The following PAPOLA variants were observed in gnomAD, a reference collection of about 807,000 sequenced individuals.
PAPOLA encodes polynucleotide adenylyltransferase alpha.
Under a neutral mutation model 100.6 loss-of-function variants are expected in PAPOLA, and 15 were observed. The ratio of observed to expected loss-of-function variants is 0.15; its 90% CI spans 0.10 to 0.23. The LOEUF is 0.23. PAPOLA is among the 10% of genes least tolerant of loss of function. The pLI, the probability that PAPOLA is intolerant of heterozygous loss-of-function variation, is 1.00. For synonymous variants in PAPOLA, 293 were observed against 300.0 expected (o/e 0.98, Z 0.24); for missense variants, 533 against 884.2 (o/e 0.60, Z 5.04).
intron 19 of PAPOLA, among the ~76,000 whole-genome samples, chr14:96,556,722 A>G (rs11625259): frequency 0.051 from 7,828 of 152,220 alleles, 386 homozygotes; most frequent in African/African-American, 0.13. Context: ...ATTATTCTCT[A>G]ATGACTACCT....
intron 20 of PAPOLA, among the ~76,000 whole-genome samples, chr14:96,561,983 C>T (rs900066185): frequency 3.9e-5 from 6 of 151,924 alleles, no homozygotes; most frequent in African/African-American, 9.7e-5. Flanking sequence ...CAACCTCTGC[C>T]TCCTAGGTTC....
At chr14:96,562,642 A>G in intron 20 of PAPOLA, 177 bp from the exon 21 acceptor site, 1 of 443,362 alleles carries the variant, frequency 2.3e-6, no homozygotes, top group Non-Finnish European at 4.1e-6. Context: ...TAATATCTGA[A>G]ATGGTGAAAT....
intron 10 of PAPOLA, chr14:96,535,525 A>G (rs1241753862): frequency 2.0e-6 from 2 of 992,882 alleles, no homozygotes; most frequent in East Asian, 1.1e-4. Context: ...ACATTGTAGC[A>G]TGACATGTCT....
intron 4 of PAPOLA, 69 bp from the exon 5 acceptor site, chr14:96,527,361 A>G: frequency 1.1e-6 from 1 of 913,182 alleles, no homozygotes; most frequent in Admixed American, 1.9e-5. Context: ...ATCAAATACT[A>G]CCATGATAGG....
intron 6 of PAPOLA, among the ~76,000 whole-genome samples, chr14:96,530,510 C>T (rs1012339510): frequency 6.6e-6 from 1 of 151,952 alleles, no homozygotes; most frequent in South Asian, 2.1e-4. Context: ...CCTCAGCCCC[C>T]CCAAGTAGGT....
chr14:96,508,195 T>C (rs954261447), intron 1 of PAPOLA, among the ~76,000 whole-genome samples: 1 of 152,160 alleles, frequency 6.6e-6, no homozygotes, highest in African/African-American at 2.4e-5. Context: ...GAACACTGTC[T>C]GGTGGTTTTC....
At chr14:96,534,226 TTAAA>T in intron 9 of PAPOLA, 1 of 1,264,214 alleles carries the variant, frequency 7.9e-7, no homozygotes, top group Non-Finnish European at 1.0e-6. Context: ...ACTTCTTTAT[TTAAA>T]TAGTCCTTTA....
At chr14:96,521,619 T>C (rs555022352) in intron 3 of PAPOLA, among the ~76,000 whole-genome samples, 1 of 152,214 alleles carries the variant, frequency 6.6e-6, no homozygotes, top group African/African-American at 2.4e-5. Flanking sequence ...GCCTCCCAAG[T>C]AGCTAGGACT....
intron 3 of PAPOLA, among the ~76,000 whole-genome samples, chr14:96,522,738 A>G (rs949873637): frequency 2.0e-5 from 3 of 152,360 alleles, no homozygotes; most frequent in African/African-American, 7.2e-5. Context: ...ATGAATACTC[A>G]TACATACAAC....
rs537997030 is a variant in PAPOLA at position 96,520,524 on chromosome 14, C to T, written c.182+296C>T. Among the ~76,000 whole-genome samples, 10 of 152,104 alleles carry T rather than the reference C, an allele frequency of 6.6e-5. No individual in the cohort carries two copies. In the South Asian group the frequency reaches 1.7e-3, roughly 25 times the overall value. ...TCGAGTAGCTGGGATTATAGGTACC[C>T]GCCACCACGCCCGGCTAATTTTTTG... On this transcript the variant is annotated intron_variant, in intron 2 of 21. Coordinates refer to ENST00000216277, the MANE Select transcript of PAPOLA (RefSeq NM_032632.5).
intron 15 of PAPOLA, among the ~76,000 whole-genome samples, chr14:96,546,217 C>A (rs1900384731): frequency 6.6e-6 from 1 of 152,014 alleles, no homozygotes; most frequent in African/African-American, 2.4e-5. Context: ...ACTATAAAAT[C>A]TTTTTGCCTC....
intron 1 of PAPOLA, 178 bp downstream of exon 1, chr14:96,502,778 C>T (rs1896388215): frequency 5.1e-6 from 3 of 587,134 alleles, no homozygotes; most frequent in East Asian, 3.5e-5. Context: ...CACTTCCCCC[C>T]GTGTGCTGGG....
At chr14:96,541,058 T>G (rs1899944775) in intron 12 of PAPOLA, among the ~76,000 whole-genome samples, 1 of 152,022 alleles carries the variant, frequency 6.6e-6, no homozygotes. Flanking sequence ...CCCGGCTAAT[T>G]TTTTGTATTT....
intron 1 of PAPOLA, among the ~76,000 whole-genome samples, chr14:96,516,268 A>AG (rs1897453008): frequency 6.6e-6 from 1 of 152,114 alleles, no homozygotes; most frequent in Non-Finnish European, 1.5e-5. Context: ...TAAATTTCAG[A>AG]GTATGCATTT....
rs560981653 is a variant in PAPOLA, at chr14:96,545,509, A to G, written c.1399+1251A>G. 4.6e-5 allele frequency among the ~76,000 whole-genome samples: 7 copies of G among 152,190 alleles called. No homozygotes were observed. In the South Asian group the frequency reaches 8.3e-4, roughly 18 times the overall value. On this transcript the variant is annotated intron_variant, in intron 15 of 21. Transcript: ENST00000216277. ...ATCTGATTTTGATATGCTTGGTGGT[A>G]GTTGTATTCCTGGAAATTTCAAATT... is the stretch of plus-strand genomic sequence containing the variant.
chr14:96,556,450 AC>A, intron 19 of PAPOLA, 37 bp downstream of exon 19: 1 of 1,265,220 alleles, frequency 7.9e-7, no homozygotes, highest in Non-Finnish European at 1.1e-6. Flanking sequence ...AGCCATGGCA[AC>A]ACCAACTGCC....
chr14:96,531,278 G>A (rs565406825), intron 6 of PAPOLA, among the ~76,000 whole-genome samples, 197 bp from the exon 7 acceptor site: 1 of 151,946 alleles, frequency 6.6e-6, no homozygotes, highest in East Asian at 1.9e-4. Context: ...TGGGATTACA[G>A]GTGCGAGCCA....
chr14:96,533,955 T>C (rs972061592), intron 9 of PAPOLA: 7 of 985,460 alleles, frequency 7.1e-6, no homozygotes, highest in African/African-American at 1.7e-5. Context: ...TTTACCTCTT[T>C]CATATGGGAC....
In PAPOLA at chr14:96,558,632, C is replaced by A. The variant is rs150720299; in HGVS notation, c.2005-2017C>A. 2.1e-4 allele frequency among the ~76,000 whole-genome samples: 32 copies of A among 152,012 alleles called. No individual in the cohort carries two copies. In the East Asian group the frequency reaches 6.2e-3, roughly 29 times the overall value. On this transcript the variant is annotated intron_variant, in intron 19 of 21. Coordinates refer to ENST00000216277, the MANE Select transcript of PAPOLA (RefSeq NM_032632.5). ...AGAGTCATTTTATGTACCTGTGTAC[C>A]CATCACACAGCTTCTGTTATAATTA...
Sources: gnomAD v4.1 joint callset for allele counts (sites outside exome capture counted in the v4.1 genomes callset) on GRCh38, gnomAD v4.1.1 for gene constraint, MANE v1.5 for transcripts, NCBI Gene and HGNC (gene_info 2026-07-23, HGNC 2026-07-21) for gene names.